Variants in PLCH2 observed in about 807,000 individuals in gnomAD.
The protein encoded by PLCH2 is phospholipase C eta 2, also known as 1-phosphatidylinositol 4,5-bisphosphate phosphodiesterase eta-2.
PLCH2 carries 98 observed loss-of-function variants against 134.7 expected under a neutral mutation model. That is an observed-to-expected ratio of 0.73 (90% CI 0.62 to 0.86). The LOEUF (loss-of-function observed/expected upper bound fraction) is 0.86. PLCH2 is among the 40% of genes least tolerant of loss of function. The probability of loss-of-function intolerance (pLI) is 0.00; values close to 1 mark genes in which losing one functional copy is unlikely to be tolerated. For synonymous variants in PLCH2, 974 were observed against 827.5 expected (o/e 1.18, Z -3.04); for missense variants, 1,994 against 1,986.6 (o/e 1.00, Z -0.07).
At chr1:2,491,742 C>T (rs1642595726) in intron 11 of PLCH2, among the ~76,000 whole-genome samples, 1 of 152,236 alleles carries the variant, frequency 6.6e-6, no homozygotes, top group Non-Finnish European at 1.5e-5. Context: ...CACAGAGCCT[C>T]CTTGTAGACC....
chr1:2,503,142 G>A lies in PLCH2; in HGVS notation c.2959+733G>A, dbSNP rs2100746298. On this transcript the variant is annotated intron_variant, in intron 21 of 21. Transcript: ENST00000378486. ...TGGGACTTGGGTGGAGCTGGTTTGA[G>A]GCCCGACAGGCTGGGAAGAACCAGC... The A allele has an allele frequency of 4.6e-6, 3 of 653,754 alleles. No individual in the cohort carries two copies. In the Admixed American group the frequency reaches 6.4e-5, roughly 14 times the overall value. The allele number at this position is 653,754 out of a possible 1,614,324, so 40.5% of individuals were successfully genotyped here. A position where few individuals can be genotyped will look rare whatever the true frequency, so the allele number is the denominator to read the frequency against.
At chr1:2,487,080 G>GGTGTTCT in intron 6 of PLCH2, 80 bp downstream of exon 6, 1 of 1,510,018 alleles carries the variant, frequency 6.6e-7, no homozygotes. Flanking sequence ...GGCCGGGACA[G>GGTGTTCT]GTGTTCTGTG....
At chr1:2,437,335 C>G (rs1247292204) in intron 2 of PLCH2, among the ~76,000 whole-genome samples, 1 of 152,158 alleles carries the variant, frequency 6.6e-6, no homozygotes, top group African/African-American at 2.4e-5. Context: ...CAGTGCCCAG[C>G]TCCTACTCCT....
intron 21 of PLCH2, chr1:2,503,695 C>A: frequency 1.5e-6 from 1 of 650,054 alleles, no homozygotes; most frequent in South Asian, 1.6e-5. Context: ...AAGGAGGGCC[C>A]CGTGTGCGGC....
At chr1:2,437,473 C>T (rs192274096) in intron 2 of PLCH2, among the ~76,000 whole-genome samples, 155 of 152,090 alleles carry the variant, frequency 1.0e-3, no homozygotes, top group Non-Finnish European at 1.7e-3. Flanking sequence ...TAGCACCCAC[C>T]GCAACTAGGG....
rs757536444 is a variant in PLCH2, at chr1:2,498,507, C to A, written c.2225-16C>A. ...TGAGGGCTGGGCCACTGACCACCTC[C>A]CCGGCATCCCCTCAGGCGTGTTCAA... On this transcript the variant is annotated splice_polypyrimidine_tract_variant and intron_variant, in intron 16 of 21. Coordinates refer to ENST00000378486, the MANE Select transcript of PLCH2 (RefSeq NM_014638.4). This position sits in a 1 kb window ranked among gnomAD's most constrained non-coding sequence, Gnocchi z 5.4. 5 of 1,602,012 alleles carry A rather than the reference C, an allele frequency of 3.1e-6. No homozygotes were observed. Among genetic ancestry groups the A allele is most frequent in the Non-Finnish European group, 4.3e-6 (5 of 1,175,118 alleles).
the PLCH2 span, among the ~76,000 whole-genome samples, chr1:2,417,754 C>T: frequency 5.9e-5 from 9 of 152,316 alleles, no homozygotes; most frequent in African/African-American, 2.2e-4. Context: ...TCCCCTAAGG[C>T]AGAGTCAGGG....
upstream of PLCH2, among the ~76,000 whole-genome samples, chr1:2,462,683 G>A (rs974533699): frequency 5.3e-5 from 8 of 152,222 alleles, no homozygotes; most frequent in Admixed American, 2.0e-4. Flanking sequence ...CTGGGCTCTG[G>A]GCATCGCTGG....
rs1017882610 is a variant in PLCH2 at position 2,504,043 on chromosome 1, T to G, written c.3081T>G (p.Ser1027=). 2 of 1,544,674 alleles carry G rather than the reference T, an allele frequency of 1.3e-6. No individual in the cohort carries two copies. Among genetic ancestry groups the G allele is most frequent in the Non-Finnish European group, 1.7e-6 (2 of 1,143,614 alleles). The change falls in exon 22 of 22, where the codon TCT becomes TCG. Residue 1027 remains serine, a synonymous_variant. Transcript: ENST00000378486. Reference sequence around the variant, plus strand: ...CAGCGGCTGTCCCCACCAGCTCTTCTCAGGGACGGCCCCCATACCCCACAG... The same window carrying G: ...CAGCGGCTGTCCCCACCAGCTCTTCGCAGGGACGGCCCCCATACCCCACAG... ...PPPAAVPTSS[S]QGRPPYPTGP...
At chr1:2,434,081 G>A (rs976114748) in intron 2 of PLCH2, among the ~76,000 whole-genome samples, 19 of 152,346 alleles carry the variant, frequency 1.2e-4, no homozygotes, top group African/African-American at 4.1e-4. Context: ...CGGGTCTCCC[G>A]TTGTTTCCTT....
upstream of PLCH2, among the ~76,000 whole-genome samples, chr1:2,425,527 G>A (rs1638748741): frequency 6.6e-6 from 1 of 152,154 alleles, no homozygotes; most frequent in South Asian, 2.1e-4. Context: ...TTAGGTGGCA[G>A]GCTTTAGACA....
chr1:2,501,998 G>A (rs1252317767), intron 20 of PLCH2, 114 bp from the exon 21 acceptor site: 4 of 1,001,132 alleles, frequency 4.0e-6, no homozygotes, highest in Non-Finnish European at 4.2e-6. Context: ...CAGCCCCTCG[G>A]ACCGAGACAC....
At chr1:2,428,445 G>A (rs1487270160) in intron 1 of PLCH2, among the ~76,000 whole-genome samples, 2 of 152,252 alleles carry the variant, frequency 1.3e-5, no homozygotes, top group Non-Finnish European at 2.9e-5. Flanking sequence ...GGGCAGGACT[G>A]GGTGGGCAAG....
Position 2,496,859 on chromosome 1 carries a change from C to T in PLCH2, c.1965C>T (p.Ser655=), listed in dbSNP as rs368552493. 124 of 1,612,594 alleles carry T rather than the reference C, an allele frequency of 7.7e-5. No individual in the cohort carries two copies. The East Asian group carries it at 1.2e-3, about 15-fold the overall frequency. The part of the protein sequence containing the change: ...AASSWQVSSF[S]ETKAHQILQQ... ...CCAGCTGGCAGGTGTCGTCCTTCAG[C>T]GAGACCAAGGCCCACCAGATTCTGC... is the stretch of plus-strand genomic sequence containing the variant. The change falls in exon 15 of 22, where the codon AGC becomes AGT. Residue 655 remains serine, a synonymous_variant. Coordinates refer to ENST00000378486, the MANE Select transcript of PLCH2 (RefSeq NM_014638.4).
chr1:2,428,378 G>T (rs538144532), intron 1 of PLCH2, among the ~76,000 whole-genome samples: 1 of 152,200 alleles, frequency 6.6e-6, no homozygotes, highest in East Asian at 1.9e-4. Context: ...TCCAGGAGCC[G>T]CAGAGACCAG....
chr1:2,420,244 G>A, the PLCH2 span, among the ~76,000 whole-genome samples: 3 of 152,228 alleles, frequency 2.0e-5, no homozygotes, highest in African/African-American at 7.2e-5. Context: ...TGTCTGGGGG[G>A]CATCCAGGCA....
intron 2 of PLCH2, among the ~76,000 whole-genome samples, chr1:2,460,951 G>C (rs572761285): frequency 6.6e-6 from 1 of 152,308 alleles, no homozygotes; most frequent in Non-Finnish European, 1.5e-5. Flanking sequence ...CTTGAGGCTG[G>C]GTGCCAGCCT....
chr1:2,419,681 C>T, the PLCH2 span, among the ~76,000 whole-genome samples: 2 of 152,136 alleles, frequency 1.3e-5, no homozygotes, highest in East Asian at 1.9e-4. Context: ...CTGACCCTGG[C>T]ATCCACAGAC....
chr1:2,436,452 C>T lies in PLCH2; in HGVS notation c.115+5823C>T, dbSNP rs1288049365. Among the ~76,000 whole-genome samples the T allele has an allele frequency of 1.4e-4, 9 of 62,568 alleles. 3 individuals are homozygous for T. The highest frequency in any genetic ancestry group is 1.5e-3 in the East Asian group (2 of 1,338). The allele number at this position is 62,568 out of a possible 152,430, so 41.0% of individuals were successfully genotyped here. A position where few individuals can be genotyped will look rare whatever the true frequency, so the allele number is the denominator to read the frequency against. On this transcript the variant is annotated intron_variant, in intron 2 of 3. Transcript: ENST00000609981. ...TTTCTCCCTCCTCCCTTCCTCCCTT[C>T]CTCCCTCCACCTTTCCTCCTTCCTC...
Sources: allele counts gnomAD v4.1 joint callset (sites outside exome capture counted in the v4.1 genomes callset), GRCh38; gene constraint gnomAD v4.1.1; non-coding constraint Gnocchi (gnomAD v3.1); transcripts MANE v1.5; gene names NCBI Gene and HGNC (gene_info 2026-07-23, HGNC 2026-07-21).